TLR6: variants seen among roughly 807,000 people sequenced by gnomAD.
TLR6 encodes the protein toll like receptor 6, also known as toll-like receptor 6.
TLR6 carries 9 observed loss-of-function variants against 16.1 expected under a neutral mutation model. The observed-to-expected ratio is 0.56, with a 90% confidence interval of 0.34 to 0.98. The LOEUF is 0.98. Ranked by LOEUF, TLR6 falls within the 50% of genes least tolerant of loss-of-function variation. The pLI is 0.02. For missense variants in TLR6, 786 were observed against 921.0 expected, an observed-to-expected ratio of 0.85 and a Z score of 1.90; for synonymous variants, 340 against 338.6, an observed-to-expected ratio of 1.00 and a Z score of -0.04.
upstream of TLR6, among the ~76,000 whole-genome samples, chr4:38,861,127 C>A (rs1490027385): frequency 6.6e-6 from 1 of 151,968 alleles, no homozygotes; most frequent in Non-Finnish European, 1.5e-5. Flanking sequence ...AGATCACTTT[C>A]CTTCCTCCAA....
chr4:38,835,199 A>T (rs560536185), intron 1 of TLR6, among the ~76,000 whole-genome samples: 1 of 152,270 alleles, frequency 6.6e-6, no homozygotes, highest in Non-Finnish European at 1.5e-5. Context: ...TTTTTTACTT[A>T]CCCAACTATA....
upstream of TLR6, among the ~76,000 whole-genome samples, chr4:38,858,903 GAAAA>G (rs1355021504): frequency 2.8e-5 from 4 of 145,178 alleles, no homozygotes; most frequent in Non-Finnish European, 4.5e-5. Context: ...AAGAAAGAAA[GAAAA>G]GAAAGAAAGA....
chr4:38,827,618 C>T (rs1214167563), exon 2 of TLR6: 1 of 1,614,092 alleles, frequency 6.2e-7, no homozygotes, highest in Non-Finnish European at 8.5e-7. Context: ...GGTCCACTGG[C>T]ACACCATCCT....
At chr4:38,842,373 A>AGAAATGATATCACCATTCATGG (rs1295281620) in intron 1 of TLR6, among the ~76,000 whole-genome samples, 1 of 152,244 alleles carries the variant, frequency 6.6e-6, no homozygotes, top group African/African-American at 2.4e-5. Flanking sequence ...GTGGCCTGGC[A>AGAAATGATATCACCATTCATGG]GAAATGATAT....
exon 2 of TLR6, chr4:38,824,257 T>A (rs1156352045): frequency 6.6e-6 from 1 of 152,164 alleles, no homozygotes; most frequent in Non-Finnish European, 1.5e-5. Context: ...GGTGGAGAAG[T>A]CTCCCTTTTT....
intron 1 of TLR6, among the ~76,000 whole-genome samples, chr4:38,848,091 G>T (rs1429841954): frequency 6.6e-6 from 1 of 151,250 alleles, no homozygotes; most frequent in African/African-American, 2.4e-5. Flanking sequence ...AAAGCTTCCA[G>T]AGGAACGATC....
intron 1 of TLR6, among the ~76,000 whole-genome samples, chr4:38,855,080 C>T (rs181921920): frequency 0.011 from 1,616 of 151,924 alleles, 29 homozygotes; most frequent in African/African-American, 0.036. Flanking sequence ...GGCGTGGTGG[C>T]GGGCGCCTGT....
At chr4:38,867,459 A>C in the TLR6 span, among the ~76,000 whole-genome samples, 1 of 152,254 alleles carries the variant, frequency 6.6e-6, no homozygotes, top group Admixed American at 6.5e-5. Context: ...CAGGAGATCA[A>C]ACTTTAGCTG....
chr4:38,859,635 G>A (rs970751776), upstream of TLR6, among the ~76,000 whole-genome samples: 9 of 140,900 alleles, frequency 6.4e-5, no homozygotes, highest in Admixed American at 6.7e-4. Flanking sequence ...CGTGATCACA[G>A]CTCACTGCAG....
At chr4:38,835,689 G>A (rs1711876103) in intron 1 of TLR6, among the ~76,000 whole-genome samples, 1 of 152,168 alleles carries the variant, frequency 6.6e-6, no homozygotes, top group Non-Finnish European at 1.5e-5. Context: ...TCAGTGCATG[G>A]AACATTGTTC....
At chr4:38,828,862 G>A (rs1258196658) in exon 2 of TLR6, 1 of 1,613,884 alleles carries the variant, frequency 6.2e-7, no homozygotes, top group Non-Finnish European at 8.5e-7. Flanking sequence ...AACTAGTTGG[G>A]TGAAAAACAA....
At chr4:38,834,244 A>AT (rs1385101041) in intron 1 of TLR6, among the ~76,000 whole-genome samples, 11 of 144,164 alleles carry the variant, frequency 7.6e-5, no homozygotes, top group East Asian at 4.4e-4. Context: ...AGCTCAAAAA[A>AT]AAAATATATA....
chr4:38,860,379 C>T (rs987301265), upstream of TLR6, among the ~76,000 whole-genome samples: 1 of 151,598 alleles, frequency 6.6e-6, no homozygotes, highest in Admixed American at 6.6e-5. Flanking sequence ...GCCTGAGGCA[C>T]GAGAATCACT....
Position 38,828,267 on chromosome 4 carries a change from G to T in TLR6, c.1207C>A (p.Pro403Thr), listed in dbSNP as rs1727649007. The T allele has an allele frequency of 4.3e-6, 7 of 1,613,592 alleles. No individual in the cohort carries two copies. The African/African-American group carries it at 5.3e-5, about 12-fold the overall frequency. Residue 403 changes from proline to threonine, a missense_variant, in exon 2 of 2, where the codon CCT becomes ACT. Physicochemically the swap from Pro to Thr is conservative, Grantham distance 38 (BLOSUM62 -1). Transcript: ENST00000436693. ...CTAACATCCAGTATTTCCAAAGAAGGCATATCCTTCGTCATGAGACCTACT... is the reference window on the plus strand; with the variant it reads ...CTAACATCCAGTATTTCCAAAGAAGTCATATCCTTCGTCATGAGACCTACT...
At chr4:38,843,848 C>T (rs1712396663) in intron 1 of TLR6, 1 of 152,166 alleles carries the variant, frequency 6.6e-6, no homozygotes, top group Non-Finnish European at 1.5e-5. Flanking sequence ...TCTTCACTCA[C>T]AAAAATGTAA....
At chr4:38,829,882 A>G (rs1176175145) in intron 1 of TLR6, among the ~76,000 whole-genome samples, 1 of 152,254 alleles carries the variant, frequency 6.6e-6, no homozygotes, top group African/African-American at 2.4e-5. Flanking sequence ...TTAAAGGCAA[A>G]CATACTAGCT....
chr4:38,858,830 AGG>A (rs1270503952), upstream of TLR6, among the ~76,000 whole-genome samples: 10 of 57,406 alleles, frequency 1.7e-4, no homozygotes, highest in East Asian at 1.9e-3. Flanking sequence ...AGAGAGAGAG[AGG>A]AAGAAAGAAA....
the TLR6 span, among the ~76,000 whole-genome samples, chr4:38,863,283 C>G: frequency 6.6e-6 from 1 of 152,176 alleles, no homozygotes; most frequent in Non-Finnish European, 1.5e-5. Context: ...GAATTTCCTG[C>G]TAACTCATTG....
chr4:38,823,334 G>A (rs1484628890), downstream of TLR6, among the ~76,000 whole-genome samples: 2 of 152,200 alleles, frequency 1.3e-5, no homozygotes, highest in African/African-American at 4.8e-5. Context: ...TATACCATAA[G>A]CCTAGGTGTG....
Sources: allele counts gnomAD v4.1 joint callset (sites outside exome capture counted in the v4.1 genomes callset), GRCh38; gene constraint gnomAD v4.1.1; transcripts MANE v1.5; gene names NCBI Gene and HGNC (gene_info 2026-07-23, HGNC 2026-07-21).